The following GRB14 variants were observed in gnomAD, a reference collection of about 807,000 sequenced individuals.
The protein encoded by GRB14 is growth factor receptor bound protein 14, also known as growth factor receptor-bound protein 14.
A neutral mutation model predicts 69.1 loss-of-function variants in GRB14; 38 were observed. The observed-to-expected ratio is 0.55, with a 90% CI of 0.42 to 0.72. GRB14 has a LOEUF of 0.72. Among genes scored for constraint, GRB14 ranks in the 30% least tolerant of loss-of-function variants. The probability of loss-of-function intolerance (pLI) is 0.00; values close to 1 mark genes in which losing one functional copy is unlikely to be tolerated. For missense variants in GRB14, 666 were observed against 666.1 expected (o/e 1.00, Z 0.00); for synonymous variants, 247 against 241.3 (o/e 1.02, Z -0.22).
chr2:164,587,756 T>C (rs1326402647), intron 2 of GRB14, among the ~76,000 whole-genome samples: 1 of 152,182 alleles, frequency 6.6e-6, no homozygotes, highest in African/African-American at 2.4e-5. Context: ...AACTGACATT[T>C]AGGATTATCT....
At chr2:164,515,293 C>A (rs1280658849) in intron 6 of GRB14, among the ~76,000 whole-genome samples, 2 of 152,164 alleles carry the variant, frequency 1.3e-5, no homozygotes, top group Non-Finnish European at 2.9e-5. Context: ...CAACTAAGGA[C>A]CCTCACAGAG....
At chr2:164,600,462 A>T (rs10188993) in intron 2 of GRB14, among the ~76,000 whole-genome samples, 1,984 of 152,282 alleles carry the variant, frequency 0.013, 43 homozygotes, top group African/African-American at 0.044. Flanking sequence ...GAGAAATGTC[A>T]TTATTTCAAA....
chr2:164,569,470 T>C (rs1366249878), intron 2 of GRB14, among the ~76,000 whole-genome samples: 4 of 152,212 alleles, frequency 2.6e-5, no homozygotes, highest in African/African-American at 4.8e-5. Flanking sequence ...TCAATGCTCT[T>C]CAATCCTGAC....
chr2:164,558,841 A>G (rs1201036314), intron 2 of GRB14, among the ~76,000 whole-genome samples: 2 of 152,212 alleles, frequency 1.3e-5, no homozygotes, highest in Non-Finnish European at 2.9e-5. Flanking sequence ...GAAGAGAGGG[A>G]AAACGTGAGG....
At chr2:164,539,137 A>G (rs1574286216) in intron 3 of GRB14, among the ~76,000 whole-genome samples, 1 of 152,282 alleles carries the variant, frequency 6.6e-6, no homozygotes, top group East Asian at 1.9e-4. Context: ...TACATACTCT[A>G]TGCACACTAG....
chr2:164,566,497 G>T (rs1482459360), intron 2 of GRB14, among the ~76,000 whole-genome samples: 1 of 152,008 alleles, frequency 6.6e-6, no homozygotes, highest in Non-Finnish European at 1.5e-5. Context: ...TTGACAAGAA[G>T]CTTATTATTA....
intron 13 of GRB14, among the ~76,000 whole-genome samples, chr2:164,493,940 G>T (rs981602488): frequency 3.3e-5 from 5 of 152,116 alleles, no homozygotes; most frequent in African/African-American, 1.2e-4. Context: ...AAAGCAAGTT[G>T]TGTGTCACAG....
chr2:164,503,204 C>T (rs1252249122), intron 8 of GRB14, among the ~76,000 whole-genome samples: 1 of 136,928 alleles, frequency 7.3e-6, no homozygotes, highest in Admixed American at 7.2e-5. Flanking sequence ...AAAAATAAAA[C>T]AATGGAATAA....
intron 2 of GRB14, among the ~76,000 whole-genome samples, chr2:164,583,401 A>T (rs1689460165): frequency 6.6e-6 from 1 of 152,242 alleles, no homozygotes; most frequent in South Asian, 2.1e-4. Context: ...GAAAAAAGTA[A>T]ATATACTGCT....
intron 2 of GRB14, among the ~76,000 whole-genome samples, chr2:164,563,739 A>C (rs1044884142): frequency 1.3e-5 from 2 of 152,176 alleles, no homozygotes; most frequent in Non-Finnish European, 2.9e-5. Flanking sequence ...TCCTTAATCC[A>C]CAGTCCTTTG....
chr2:164,576,286 A>AG (rs1220162078), intron 2 of GRB14, among the ~76,000 whole-genome samples: 6 of 152,042 alleles, frequency 3.9e-5, no homozygotes, highest in Non-Finnish European at 8.8e-5. Flanking sequence ...TAACAAGAGA[A>AG]TTAAAAAGTA....
At chr2:164,574,124 C>A (rs1318879437) in intron 2 of GRB14, 7 of 681,160 alleles carry the variant, frequency 1.0e-5, no homozygotes, top group Non-Finnish European at 1.8e-5. Flanking sequence ...TTTTCACTTC[C>A]TTAAGTAAAT....
rs941732698 is a variant in GRB14 at position 164,492,737 on chromosome 2, A to C, written c.*299T>G. On this transcript the variant is annotated 3_prime_UTR_variant, in exon 14 of 14. Transcript: ENST00000263915. The stretch of plus-strand genomic sequence containing the variant: ...TTCTGATGTTGCTATATGGTAAATA[A>C]GGGAGACATGTTTTAAATATGCATA... 2.8e-5 allele frequency: 6 copies of C among 212,326 alleles called. No homozygotes were observed. The highest frequency in any genetic ancestry group is 5.5e-5 in the Non-Finnish European group (6 of 108,418). 13.2% of individuals were successfully genotyped at this position (212,326 alleles called of 1,614,324 possible).
intron 2 of GRB14, among the ~76,000 whole-genome samples, chr2:164,595,608 G>A (rs1298587255): frequency 1.3e-5 from 2 of 152,244 alleles, no homozygotes; most frequent in African/African-American, 4.8e-5. Context: ...AAGAGCTTAG[G>A]TTCTATTCTA....
chr2:164,502,742 A>G (rs2105260783), intron 8 of GRB14, among the ~76,000 whole-genome samples: 1 of 152,202 alleles, frequency 6.6e-6, no homozygotes, highest in Non-Finnish European at 1.5e-5. Context: ...ACACTGTGCA[A>G]AATTTATTGT....
intron 2 of GRB14, among the ~76,000 whole-genome samples, chr2:164,570,934 A>G (rs1422365417): frequency 6.6e-6 from 1 of 152,228 alleles, no homozygotes; most frequent in African/African-American, 2.4e-5. Context: ...CTAAGTTTCT[A>G]AATTTTCAGG....
intron 3 of GRB14, 90 bp downstream of exon 3, chr2:164,547,570 A>G (rs562164275): frequency 9.4e-7 from 1 of 1,062,746 alleles, no homozygotes; most frequent in Admixed American, 2.4e-5. Context: ...TTATCTCAAA[A>G]CACCAAATCT....
chr2:164,618,153 G>A (rs1047717393), intron 2 of GRB14, among the ~76,000 whole-genome samples: 3 of 152,066 alleles, frequency 2.0e-5, no homozygotes, highest in African/African-American at 4.8e-5. Context: ...TTTTAGTGGA[G>A]ACGGGGTTTT....
chr2:164,516,321 T>A (rs1225188763), intron 6 of GRB14, among the ~76,000 whole-genome samples: 1 of 151,996 alleles, frequency 6.6e-6, no homozygotes, highest in Non-Finnish European at 1.5e-5. Context: ...GGCATAAGCA[T>A]CAGGTAACCT....
Sources: gnomAD v4.1 joint callset for allele counts (sites outside exome capture counted in the v4.1 genomes callset) on GRCh38, gnomAD v4.1.1 for gene constraint, MANE v1.5 for transcripts, NCBI Gene and HGNC (gene_info 2026-07-23, HGNC 2026-07-21) for gene names.